The following PRR12 variants were observed in gnomAD, a reference collection of about 807,000 sequenced individuals.
The protein encoded by PRR12 is proline rich 12.
In PRR12, 12 loss-of-function variants were observed where a neutral mutation model predicts 138.0. The ratio of observed to expected loss-of-function variants is 0.09; its 90% CI spans 0.06 to 0.14. PRR12 has a LOEUF of 0.14. Ranked by LOEUF, PRR12 falls within the 10% of genes least tolerant of loss-of-function variation. PRR12 has a pLI of 1.00. For synonymous variants in PRR12, 1,567 were observed against 1,291.7 expected (o/e 1.21, Z -4.57); for missense variants, 2,692 against 2,861.3 (o/e 0.94, Z 1.35).
chr19:49,595,931 C>T lies in PRR12; in HGVS notation c.1596C>T (p.Ser532=), dbSNP rs1426746406. 7 of 1,601,642 alleles carry T rather than the reference C, an allele frequency of 4.4e-6. No homozygotes were observed. Among genetic ancestry groups the T allele is most frequent in the Non-Finnish European group, 5.9e-6 (7 of 1,179,674 alleles). Residue 532 remains serine, a synonymous_variant, in exon 4 of 14, where the codon AGC becomes AGT. Transcript: ENST00000418929. Reference sequence around the variant, plus strand: ...TGCCCACAGCCAGCCCCTCGCTCAGCTACAGTACCGGCCATTCCCCAGCGC... The same window carrying T: ...TGCCCACAGCCAGCCCCTCGCTCAGTTACAGTACCGGCCATTCCCCAGCGC... ...QGLPTASPSL[S]YSTGHSPALS...
chr19:49,615,886 G>A lies in PRR12; in HGVS notation c.5164G>A (p.Ala1722Thr), dbSNP rs866125467. 6.3e-7 allele frequency: 1 copy of A among 1,580,052 alleles called. No homozygotes were observed. Among genetic ancestry groups the A allele is most frequent in the East Asian group, 2.3e-5 (1 of 42,682 alleles). Residue 1722 changes from alanine (A) to threonine (T), a missense_variant, in exon 9 of 14, where the codon GCC (alanine) becomes ACC (threonine). Physicochemically the swap from Ala to Thr is moderately conservative, Grantham distance 58 (BLOSUM62 0). Around this residue, in one of 11 missense-constraint regions of PRR12, gnomAD observed 259 missense variants for 265.1 expected, o/e 0.98. Transcript: ENST00000418929. ...EKPPEQTPET[A>T]MPEPPAPEKP... ...GCCCCCAGAGCAGACTCCTGAGACGGCCATGCCTGAGCCCCCTGCCCCCGA... is the reference window on the plus strand; with the variant it reads ...GCCCCCAGAGCAGACTCCTGAGACGACCATGCCTGAGCCCCCTGCCCCCGA...
Position 49,593,418 on chromosome 19 carries a change from G to A in PRR12, c.178G>A (p.Ala60Thr), listed in dbSNP as rs770086150. ...GGCCCCCCACCCACTGCAAAGCTAT[G>A]CCACCAACCACCACCCGGCAGGTAC... ...YAAPHPLQSY[A>T]TNHHPAGLSG... The change falls in exon 2 of 14, where the codon GCC (alanine) becomes ACC (threonine). Residue 60 changes from alanine to threonine, a missense_variant. Ala to Thr is a moderately conservative substitution (Grantham distance 58, BLOSUM62 0). Transcript: ENST00000418929. The A allele has an allele frequency of 6.2e-7, 1 of 1,601,886 alleles. No individual in the cohort carries two copies. The highest frequency in any genetic ancestry group is 1.1e-5 in the South Asian group (1 of 90,590).
chr19:49,611,579 A>T (rs2080865968), intron 6 of PRR12, among the ~76,000 whole-genome samples: 1 of 150,776 alleles, frequency 6.6e-6, no homozygotes, highest in Non-Finnish European at 1.5e-5. Flanking sequence ...CAGAGATTTC[A>T]GTGAGCTGAA....
intron 1 of PRR12, among the ~76,000 whole-genome samples, chr19:49,592,961 G>A (rs1289779400): frequency 1.3e-5 from 2 of 151,936 alleles, no homozygotes; most frequent in Non-Finnish European, 2.9e-5. Context: ...CTGTGTCGCC[G>A]GAACGGGGGC....
Position 49,597,522 on chromosome 19 carries a change from ATCT to A in PRR12, c.3191_3193del (p.Phe1064del). The stretch of plus-strand genomic sequence containing the variant: ...ACCCAAGGGTGGCCTCACCTCGCCC[ATCT>A]TCTGCTCTACCAAGCCAAAGAAGCT... On this transcript the variant is annotated inframe_deletion, in exon 4 of 14. Transcript: ENST00000418929. The surrounding 1 kb of genome is among the most constrained non-coding windows in gnomAD (Gnocchi z 6.3). The A allele has an allele frequency of 6.4e-7, 1 of 1,561,784 alleles. No homozygotes were observed. Among genetic ancestry groups the A allele is most frequent in the Non-Finnish European group, 8.7e-7 (1 of 1,155,320 alleles).
intron 11 of PRR12, chr19:49,621,884 T>G: frequency 4.0e-6 from 2 of 504,480 alleles, no homozygotes; most frequent in Admixed American, 3.2e-5. Context: ...GGAGAACAAG[T>G]GTGCAGCCAA....
intron 9 of PRR12, among the ~76,000 whole-genome samples, chr19:49,618,923 C>T (rs533362574): frequency 1.3e-5 from 2 of 152,038 alleles, no homozygotes; most frequent in Admixed American, 6.6e-5. Flanking sequence ...ACACTCACCC[C>T]TTCCCTGCTC....
Position 49,625,635 on chromosome 19 carries a change from C to G in PRR12, c.*28C>G. The G allele has an allele frequency of 6.3e-7, 1 of 1,576,666 alleles. No individual in the cohort carries two copies. The highest frequency in any genetic ancestry group is 8.6e-7 in the Non-Finnish European group (1 of 1,161,200). The stretch of plus-strand genomic sequence containing the variant: ...CCGCCCCAGCTTGTGAGGGGGGCGC[C>G]TCCTCCATGAACCGAGAATTGGGAC... On this transcript the variant is annotated 3_prime_UTR_variant, in exon 14 of 14. Coordinates refer to ENST00000418929, the MANE Select transcript of PRR12 (RefSeq NM_020719.3). The surrounding 1 kb of genome is among the most constrained non-coding windows in gnomAD (Gnocchi z 5.5).
chr19:49,610,688 C>T (rs2080861518), intron 6 of PRR12, among the ~76,000 whole-genome samples: 1 of 151,868 alleles, frequency 6.6e-6, no homozygotes, highest in South Asian at 2.1e-4. Context: ...ACCACAGGCG[C>T]CCGCCACCAC....
In PRR12 at chr19:49,594,232, T is replaced by TG. The variant is rs2080748868; in HGVS notation, c.200-220dup. Among the ~76,000 whole-genome samples the TG allele has an allele frequency of 6.6e-6, 1 of 152,232 alleles. No individual in the cohort carries two copies. Among genetic ancestry groups the TG allele is most frequent in the African/African-American group, 2.4e-5 (1 of 41,466 alleles). On this transcript the variant is annotated intron_variant, in intron 2 of 13. Transcript: ENST00000418929. This position sits in a 1 kb window ranked among gnomAD's most constrained non-coding sequence, Gnocchi z 5.6. ...TACCTGGGCCCCCTGTCCTTATGAC[T>TG]GGATTGCCCCTTGTCTTGCTTTACT... is the stretch of plus-strand genomic sequence containing the variant.
chr19:49,604,513 A>T (rs1334668785), intron 6 of PRR12, among the ~76,000 whole-genome samples: 2 of 152,030 alleles, frequency 1.3e-5, no homozygotes, highest in African/African-American at 4.8e-5. Flanking sequence ...GCCCATCTCT[A>T]CTAAAAATAC....
Position 49,596,149 on chromosome 19 carries a change from C to G in PRR12, c.1814C>G (p.Ala605Gly), listed in dbSNP as rs2080766962. Residue 605 changes from alanine (A) to glycine (G), a missense_variant, in exon 4 of 14, where the codon GCT (alanine) becomes GGT (glycine). Ala to Gly is a moderately conservative substitution (Grantham distance 60). This residue lies in a region of PRR12 where 66 missense variants were observed against 102.4 expected (regional missense o/e 0.64). Transcript: ENST00000418929. The surrounding 1 kb of genome is among the most constrained non-coding windows in gnomAD (Gnocchi z 5.6). ...GCGCCTTTCCTGGCACCTCCGGGAG[C>G]TGGCAGCTATGCAGCCGGAGCAGGT... ...ASAPFLAPPG[A>G]GSYAAGAGGY... 1.9e-6 allele frequency: 3 copies of G among 1,607,204 alleles called. No homozygotes were observed. Among genetic ancestry groups the G allele is most frequent in the East Asian group, 4.5e-5 (2 of 44,876 alleles).
intron 9 of PRR12, among the ~76,000 whole-genome samples, chr19:49,618,097 CAAT>C (rs966564400): frequency 2.0e-5 from 3 of 152,184 alleles, no homozygotes; most frequent in African/African-American, 7.2e-5. Flanking sequence ...AACTCGGTCT[CAAT>C]AAATGAATGA....
rs1315564037 is a variant in PRR12 at position 49,596,507 on chromosome 19, G to A, written c.2172G>A (p.Arg724=). 1 of 1,610,016 alleles carries A rather than the reference G, an allele frequency of 6.2e-7. No homozygotes were observed. ...ATAALELGLG[R]LKEKKKGPER... ...CGGCACTGGAGCTGGGCCTGGGGAGGCTGAAGGAGAAGAAGAAAGGGCCAG... is the reference window on the plus strand; with the variant it reads ...CGGCACTGGAGCTGGGCCTGGGGAGACTGAAGGAGAAGAAGAAAGGGCCAG... The change falls in exon 4 of 14, where the codon AGG becomes AGA. Residue 724 remains arginine, a synonymous_variant. Transcript: ENST00000418929. The surrounding 1 kb of genome is among the most constrained non-coding windows in gnomAD (Gnocchi z 5.6).
At chr19:49,617,230 GA>G (rs2080897778) in intron 9 of PRR12, among the ~76,000 whole-genome samples, 2 of 151,972 alleles carry the variant, frequency 1.3e-5, no homozygotes, top group South Asian at 4.1e-4. Context: ...GATTTTTGTT[GA>G]GTGTTTACTA....
Position 49,597,518 on chromosome 19 carries a change from G to A in PRR12, c.3183G>A (p.Ser1061=). The stretch of plus-strand genomic sequence containing the variant: ...CCGAACCCAAGGGTGGCCTCACCTC[G>A]CCCATCTTCTGCTCTACCAAGCCAA... ...PASEPKGGLT[S]PIFCSTKPKK... Residue 1061 remains serine (S), a synonymous_variant, in exon 4 of 14, where the codon TCG becomes TCA. Coordinates refer to ENST00000418929, the MANE Select transcript of PRR12 (RefSeq NM_020719.3). This position sits in a 1 kb window ranked among gnomAD's most constrained non-coding sequence, Gnocchi z 6.3. The A allele has an allele frequency of 1.9e-6, 3 of 1,558,100 alleles. No homozygotes were observed. The highest frequency in any genetic ancestry group is 2.6e-6 in the Non-Finnish European group (3 of 1,153,166).
At position 49,614,805 on chromosome 19, in the gene PRR12, G is replaced by C; in HGVS notation, c.4891-71G>C. On this transcript the variant is annotated intron_variant, in intron 7 of 13. Transcript: ENST00000418929. The surrounding 1 kb of genome is among the most constrained non-coding windows in gnomAD (Gnocchi z 5.0). ...TCCAAGCAGCTGCCATGGTGGCCCA[G>C]GGCACGGGGGTGTTGGCCATCTGGC... The C allele has an allele frequency of 6.2e-7, 1 of 1,602,228 alleles. No individual in the cohort carries two copies. Among genetic ancestry groups the C allele is most frequent in the Non-Finnish European group, 8.5e-7 (1 of 1,170,864 alleles).
At chr19:49,593,205 A>C in intron 1 of PRR12, 122 bp from the exon 2 acceptor site, 1 of 600,602 alleles carries the variant, frequency 1.7e-6, no homozygotes, top group Non-Finnish European at 3.0e-6. Flanking sequence ...ACGGTTCCTT[A>C]GCTTAACACC....
chr19:49,593,896 C>G (rs1028487646), intron 2 of PRR12, among the ~76,000 whole-genome samples: 1 of 152,166 alleles, frequency 6.6e-6, no homozygotes, highest in Non-Finnish European at 1.5e-5. Context: ...CCTTTGCCTC[C>G]AAGGTTTCTG....
Sources: gnomAD v4.1 joint callset for allele counts (sites outside exome capture counted in the v4.1 genomes callset) on GRCh38, gnomAD v4.1.1 for gene constraint, gnomAD v4.1.1 regional missense constraint, Gnocchi (gnomAD v3.1) non-coding constraint, MANE v1.5 for transcripts, NCBI Gene and HGNC (gene_info 2026-07-23, HGNC 2026-07-21) for gene names.